ARID1B: variants seen among roughly 807,000 people sequenced by gnomAD.
ARID1B encodes the protein AT-rich interaction domain 1B.
In ARID1B, 30 loss-of-function variants were observed where a neutral mutation model predicts 212.3. The ratio of observed to expected loss-of-function variants is 0.14; its 90% confidence interval spans 0.11 to 0.19. The LOEUF (loss-of-function observed/expected upper bound fraction) is 0.19. Ranked by LOEUF, ARID1B falls within the 10% of genes least tolerant of loss-of-function variation. The pLI, the probability that ARID1B is intolerant of heterozygous loss-of-function variation, is 1.00. For missense variants in ARID1B, 2,891 were observed against 3,204.0 expected (o/e 0.90, Z 2.36); for synonymous variants, 1,402 against 1,301.7 (o/e 1.08, Z -1.66).
chr6:156,932,507 A>T lies in ARID1B; in HGVS notation c.2137-2959A>T, dbSNP rs557479477. ...GCTGCTTAAACTTACAAATAACCAA[A>T]GATGGCAGTAATGTTTTAAAGTGTA... On this transcript the variant is annotated intron_variant, in intron 3 of 19. Coordinates refer to ENST00000636930, the MANE Select transcript of ARID1B (RefSeq NM_001374828.1). 2.0e-5 allele frequency among the ~76,000 whole-genome samples: 3 copies of T among 152,370 alleles called. No individual in the cohort carries two copies. The East Asian group carries it at 5.8e-4, about 29-fold the overall frequency.
chr6:157,105,914 T>G (rs1583315407), intron 5 of ARID1B, among the ~76,000 whole-genome samples: 1 of 152,136 alleles, frequency 6.6e-6, no homozygotes, highest in African/African-American at 2.4e-5. Context: ...CTGGTAAAAT[T>G]TTTTTAAACA....
intron 5 of ARID1B, among the ~76,000 whole-genome samples, chr6:157,095,531 C>CA (rs1785558326): frequency 6.6e-6 from 1 of 152,210 alleles, no homozygotes; most frequent in Admixed American, 6.5e-5. Flanking sequence ...AGCACTTCCC[C>CA]AGTGCTCCAT....
At chr6:157,189,987 G>A (rs1583480312) in intron 14 of ARID1B, 51 bp from the exon 15 acceptor site, 1 of 1,601,864 alleles carries the variant, frequency 6.2e-7, no homozygotes. Flanking sequence ...TGTACTGTTT[G>A]GAGGTAACTC....
At chr6:156,972,180 T>C (rs1283895276) in intron 4 of ARID1B, among the ~76,000 whole-genome samples, 2 of 152,222 alleles carry the variant, frequency 1.3e-5, no homozygotes, top group African/African-American at 4.8e-5. Flanking sequence ...CAAATGAAAA[T>C]TACAAGACAT....
At chr6:156,848,302 C>CTGT (rs1784357850) in intron 2 of ARID1B, among the ~76,000 whole-genome samples, 1 of 152,154 alleles carries the variant, frequency 6.6e-6, no homozygotes, top group Non-Finnish European at 1.5e-5. Flanking sequence ...CAGTGTGAAA[C>CTGT]TAAAAACAAC....
intron 2 of ARID1B, among the ~76,000 whole-genome samples, chr6:156,897,211 T>TTCC (rs1788495597): frequency 2.5e-5 from 2 of 78,546 alleles, no homozygotes; most frequent in African/African-American, 9.1e-5. Context: ...CTGCTGCTGC[T>TTCC]GCTGCTGCTT....
intron 3 of ARID1B, among the ~76,000 whole-genome samples, chr6:156,913,032 TTTTC>T (rs1790024814): frequency 6.6e-6 from 1 of 151,844 alleles, no homozygotes; most frequent in African/African-American, 2.4e-5. Context: ...TTTTTTTTTT[TTTTC>T]ACTTGCTTTG....
chr6:156,995,755 C>T (rs573608397), intron 4 of ARID1B, among the ~76,000 whole-genome samples: 227 of 152,250 alleles, frequency 1.5e-3, no homozygotes, highest in Non-Finnish European at 2.8e-3. Context: ...AGCCTAGTAA[C>T]GTGTTTCATG....
chr6:157,104,129 C>T (rs1053870671), intron 5 of ARID1B, among the ~76,000 whole-genome samples: 1 of 152,186 alleles, frequency 6.6e-6, no homozygotes, highest in African/African-American at 2.4e-5. Context: ...GCCACCACGC[C>T]CGGCCTAACA....
chr6:156,783,811 G>C (rs1260347040), intron 1 of ARID1B, among the ~76,000 whole-genome samples: 1 of 152,180 alleles, frequency 6.6e-6, no homozygotes, highest in Non-Finnish European at 1.5e-5. Flanking sequence ...TTTTCTTGCA[G>C]CTCTACACTG....
chr6:157,124,311 A>G (rs972955185), intron 6 of ARID1B, among the ~76,000 whole-genome samples: 5 of 152,242 alleles, frequency 3.3e-5, no homozygotes, highest in Admixed American at 1.3e-4. Context: ...GCTTGGGCAG[A>G]TGAGAGGAGA....
intron 3 of ARID1B, among the ~76,000 whole-genome samples, chr6:156,926,711 C>A (rs1791245273): frequency 6.6e-6 from 1 of 152,104 alleles, no homozygotes; most frequent in South Asian, 2.1e-4. Flanking sequence ...GAGAAGGAGT[C>A]TCTCTCTGTT....
At chr6:156,875,103 A>G (rs574565501) in intron 2 of ARID1B, among the ~76,000 whole-genome samples, 4 of 152,342 alleles carry the variant, frequency 2.6e-5, no homozygotes, top group African/African-American at 9.6e-5. Context: ...GAGTATATAG[A>G]TTAAGAGTAG....
chr6:157,016,187 C>G (rs1216298949), intron 4 of ARID1B, among the ~76,000 whole-genome samples: 1 of 152,114 alleles, frequency 6.6e-6, no homozygotes, highest in Non-Finnish European at 1.5e-5. Flanking sequence ...ATGCTTTGTG[C>G]TGTATTTTCA....
In ARID1B at chr6:157,210,001, C is replaced by T. The variant is rs1794684248; in HGVS notation, c.*2110C>T. The T allele has an allele frequency of 8.6e-6, 2 of 233,008 alleles. No homozygotes were observed. The highest frequency in any genetic ancestry group is 1.1e-4 in the Admixed American group (2 of 17,776). 14.4% of individuals were successfully genotyped at this position (233,008 alleles called of 1,614,324 possible). ...CCCCAGCCCCTCGCATACATTGTGT[C>T]GGTTCACATTACTCACAGTAATATA... On this transcript the variant is annotated 3_prime_UTR_variant, in exon 20 of 20. Transcript: ENST00000636930.
chr6:157,011,812 G>C (rs1233189240), intron 4 of ARID1B, among the ~76,000 whole-genome samples: 1 of 152,128 alleles, frequency 6.6e-6, no homozygotes, highest in Non-Finnish European at 1.5e-5. Context: ...TTTTTCAAAA[G>C]GTACAGTTAT....
intron 2 of ARID1B, among the ~76,000 whole-genome samples, chr6:156,865,074 C>T (rs548609031): frequency 4.1e-4 from 63 of 152,302 alleles, no homozygotes; most frequent in Non-Finnish European, 6.0e-4. Context: ...ACTTCCTATC[C>T]TAGAGATTTC....
intron 2 of ARID1B, among the ~76,000 whole-genome samples, chr6:156,862,196 A>T (rs755521937): frequency 1.7e-4 from 26 of 152,166 alleles, no homozygotes; most frequent in Non-Finnish European, 5.9e-5. Context: ...GTCTACAGTT[A>T]CTGTGTGGCT....
At chr6:156,967,926 C>T (rs1381858192) in intron 4 of ARID1B, among the ~76,000 whole-genome samples, 1 of 152,156 alleles carries the variant, frequency 6.6e-6, no homozygotes, top group African/African-American at 2.4e-5. Flanking sequence ...GAATTTTTGT[C>T]ATTGATATAT....
Sources: allele counts gnomAD v4.1 joint callset (sites outside exome capture counted in the v4.1 genomes callset), GRCh38; gene constraint gnomAD v4.1.1; transcripts MANE v1.5; gene names NCBI Gene and HGNC (gene_info 2026-07-23, HGNC 2026-07-21).